UGT2A1: variants seen among roughly 807,000 people sequenced by gnomAD.
UGT2A1 encodes the protein UDP-glucuronosyltransferase 2A1.
Under a neutral mutation model 45.4 loss-of-function variants are expected in UGT2A1, and 61 were observed. The observed-to-expected ratio is 1.34, with a 90% CI of 1.09 to 1.66. UGT2A1 has a LOEUF of 1.66. Among genes scored for constraint, UGT2A1 ranks in the 40% most tolerant of loss-of-function variants. The pLI is 0.00. For missense variants in UGT2A1, 649 were observed against 574.3 expected, an observed-to-expected ratio of 1.13 and a Z score of -1.33; for synonymous variants, 229 against 196.2, an observed-to-expected ratio of 1.17 and a Z score of -1.40.
intron 3 of UGT2A1, among the ~76,000 whole-genome samples, chr4:69,604,738 A>T (rs1469178886): frequency 1.5e-5 from 2 of 136,626 alleles, no homozygotes; most frequent in African/African-American, 5.9e-5. Context: ...CTACCAAGCA[A>T]ATGGAAAACA....
intron 3 of UGT2A1, among the ~76,000 whole-genome samples, chr4:69,619,033 A>G (rs559459762): frequency 7.9e-5 from 12 of 152,010 alleles, no homozygotes; most frequent in Non-Finnish European, 1.3e-4. Context: ...TATACAATAT[A>G]TGTATATACA....
chr4:69,601,392 G>A lies in UGT2A1; in HGVS notation c.848-1998C>T, dbSNP rs146091866. ...AGCTCCATGCCCTTCCCCGCCCCCC[G>A]GAGTACTACTCCTGGGTAACATAAG... On this transcript the variant is annotated intron_variant, in intron 3 of 6. Coordinates refer to ENST00000286604, the MANE Select transcript of UGT2A1 (RefSeq NM_001252275.3). Among the ~76,000 whole-genome samples, 580 of 152,116 alleles carry A rather than the reference G, an allele frequency of 3.8e-3. 5 individuals are homozygous for A. Among genetic ancestry groups the A allele is most frequent in the African/African-American group, 0.013 (528 of 41,502 alleles).
intron 3 of UGT2A1, among the ~76,000 whole-genome samples, chr4:69,609,585 C>A (rs1719908887): frequency 6.6e-6 from 1 of 152,074 alleles, no homozygotes; most frequent in Non-Finnish European, 1.5e-5. Context: ...GTTTGCAGAA[C>A]AATGGGAAAT....
intron 3 of UGT2A1, among the ~76,000 whole-genome samples, chr4:69,603,215 C>A (rs1343538814): frequency 7.4e-6 from 1 of 135,982 alleles, no homozygotes; most frequent in Non-Finnish European, 1.6e-5. Context: ...AATCAAGGAA[C>A]TCCAGATGAA....
intron 3 of UGT2A1, among the ~76,000 whole-genome samples, chr4:69,605,791 A>G (rs1719572872): frequency 7.3e-6 from 1 of 137,098 alleles, no homozygotes; most frequent in African/African-American, 3.0e-5. Flanking sequence ...AATACTATAA[A>G]CACCTCTACA....
intron 3 of UGT2A1, among the ~76,000 whole-genome samples, chr4:69,632,335 A>AT (rs1322156584): frequency 1.3e-5 from 2 of 151,876 alleles, no homozygotes; most frequent in Admixed American, 6.6e-5. Flanking sequence ...GATAAGGTAA[A>AT]TTTTTTTTCC....
At chr4:69,639,519 T>C (rs369256435) in intron 2 of UGT2A1, 27 of 1,613,232 alleles carry the variant, frequency 1.7e-5, no homozygotes, top group Non-Finnish European at 2.1e-5. Context: ...ATTTAACCAA[T>C]GGCTACCATC....
intron 4 of UGT2A1, among the ~76,000 whole-genome samples, 187 bp from the exon 5 acceptor site, chr4:69,595,436 T>C (rs1379435890): frequency 1.3e-5 from 2 of 152,258 alleles, no homozygotes; most frequent in African/African-American, 4.8e-5. Flanking sequence ...CTTGTACTAA[T>C]AGTCTACCAA....
At chr4:69,641,511 G>T (rs547200383) in intron 2 of UGT2A1, among the ~76,000 whole-genome samples, 4 of 151,652 alleles carry the variant, frequency 2.6e-5, no homozygotes, top group African/African-American at 9.7e-5. Context: ...GTCTCCCCAA[G>T]GCCAAAAAAA....
chr4:69,605,944 C>T (rs1156309035), intron 3 of UGT2A1, among the ~76,000 whole-genome samples: 1 of 135,778 alleles, frequency 7.4e-6, no homozygotes, highest in African/African-American at 3.0e-5. Flanking sequence ...GCTTAGCAAC[C>T]AAAAAAAGTC....
At chr4:69,608,698 T>C (rs1001447000) in intron 3 of UGT2A1, among the ~76,000 whole-genome samples, 1 of 152,068 alleles carries the variant, frequency 6.6e-6, no homozygotes, top group African/African-American at 2.4e-5. Flanking sequence ...ATTTATTTTA[T>C]TATCATTATT....
chr4:69,637,964 G>A (rs1033015995), intron 2 of UGT2A1, among the ~76,000 whole-genome samples: 31 of 149,868 alleles, frequency 2.1e-4, no homozygotes, highest in African/African-American at 7.6e-4. Flanking sequence ...GGAAAAAAAG[G>A]AAGGAAAAAA....
chr4:69,599,755 G>A (rs1577951510), intron 3 of UGT2A1: 3 of 167,644 alleles, frequency 1.8e-5, no homozygotes, highest in Admixed American at 1.3e-4. Flanking sequence ...AAGAGAGGGA[G>A]TAGAGTGGGG....
intron 1 of UGT2A1, among the ~76,000 whole-genome samples, chr4:69,649,449 A>T (rs558548253): frequency 2.0e-3 from 303 of 152,194 alleles, no homozygotes; most frequent in African/African-American, 7.0e-3. Context: ...ATTTTCTTCT[A>T]TTTATTTATT....
At chr4:69,608,446 G>A (rs1719814669) in intron 3 of UGT2A1, among the ~76,000 whole-genome samples, 1 of 151,476 alleles carries the variant, frequency 6.6e-6, no homozygotes, top group Non-Finnish European at 1.5e-5. Flanking sequence ...GGGAAGGATA[G>A]CGTTGGGAAA....
At chr4:69,604,694 C>T (rs1384381667) in intron 3 of UGT2A1, among the ~76,000 whole-genome samples, 1 of 136,560 alleles carries the variant, frequency 7.3e-6, no homozygotes, top group East Asian at 2.1e-4. Context: ...TGAAGAGACA[C>T]ACATAGGCTC....
chr4:69,652,958 T>C (rs1219674086), intron 1 of UGT2A1, among the ~76,000 whole-genome samples: 2 of 152,212 alleles, frequency 1.3e-5, no homozygotes, highest in Admixed American at 6.5e-5. Flanking sequence ...CTTACTGCTC[T>C]GTCCACACAG....
At position 69,640,729 on chromosome 4, in the gene UGT2A1, G is replaced by C. The variant is rs564546422; in HGVS notation, c.716-4907C>G. Reference sequence around the variant, plus strand: ...CCTTGAGTAACAAAAGAACTGGGAGGACAGAGAACAGGAAAGACAAGAGAG... The same window carrying C: ...CCTTGAGTAACAAAAGAACTGGGAGCACAGAGAACAGGAAAGACAAGAGAG... On this transcript the variant is annotated intron_variant, in intron 2 of 6. Transcript: ENST00000286604. Among the ~76,000 whole-genome samples the C allele has an allele frequency of 5.9e-5, 9 of 151,936 alleles. No homozygotes were observed. The East Asian group carries it at 1.7e-3, about 29-fold the overall frequency.
At chr4:69,627,840 A>AAT (rs1411186924) in intron 3 of UGT2A1, among the ~76,000 whole-genome samples, 6 of 151,946 alleles carry the variant, frequency 3.9e-5, no homozygotes, top group Non-Finnish European at 7.4e-5. Flanking sequence ...AAAATTTATA[A>AAT]ATGTCATAGA....
Sources: allele counts gnomAD v4.1 joint callset (sites outside exome capture counted in the v4.1 genomes callset), GRCh38; gene constraint gnomAD v4.1.1; transcripts MANE v1.5; gene names NCBI Gene and HGNC (gene_info 2026-07-23, HGNC 2026-07-21).